Variants in NXNL2 observed in about 807,000 individuals in gnomAD.
NXNL2 encodes nucleoredoxin-like protein 2.
In NXNL2, 7 loss-of-function variants were observed where a neutral mutation model predicts 11.1. The observed-to-expected ratio is 0.63, with a 90% confidence interval of 0.36 to 1.18. The LOEUF (loss-of-function observed/expected upper bound fraction) is 1.18. Ranked by LOEUF, NXNL2 falls within the 50% of genes most tolerant of loss-of-function variation. The probability of loss-of-function intolerance (pLI) is 0.02; values close to 1 mark genes in which losing one functional copy is unlikely to be tolerated. For synonymous variants in NXNL2, 109 were observed against 101.8 expected, an observed-to-expected ratio of 1.07 and a Z score of -0.42; for missense variants, 233 against 217.7, an observed-to-expected ratio of 1.07 and a Z score of -0.44.
chr9:88,561,515 T>C (rs552241712), intron 1 of NXNL2, among the ~76,000 whole-genome samples: 1 of 152,302 alleles, frequency 6.6e-6, no homozygotes, highest in East Asian at 1.9e-4. Context: ...TCTAATTAGT[T>C]CTGTCCCTCT....
At chr9:88,564,290 T>TATC (rs1368000581) in intron 1 of NXNL2, among the ~76,000 whole-genome samples, 6 of 100,542 alleles carry the variant, frequency 6.0e-5, no homozygotes, top group African/African-American at 2.9e-4. Flanking sequence ...ATCTATTATC[T>TATC]ATCTATCTAT....
chr9:88,552,395 A>C (rs1171131086), intron 1 of NXNL2, among the ~76,000 whole-genome samples: 1 of 150,340 alleles, frequency 6.7e-6, no homozygotes, highest in Non-Finnish European at 1.5e-5. Context: ...TACAAGGAAG[A>C]CTCCTTTTAA....
At chr9:88,561,172 C>T (rs1325121649) in intron 1 of NXNL2, among the ~76,000 whole-genome samples, 1 of 152,104 alleles carries the variant, frequency 6.6e-6, no homozygotes, top group Non-Finnish European at 1.5e-5. Context: ...ATCTAATCAG[C>T]TGCCAGTGAA....
intron 1 of NXNL2, among the ~76,000 whole-genome samples, chr9:88,543,305 C>T (rs1306920420): frequency 1.3e-5 from 2 of 151,600 alleles, no homozygotes; most frequent in Admixed American, 6.6e-5. Context: ...TGGGGTCTGC[C>T]GCCCAGGCTG....
At chr9:88,540,935 A>AT (rs71507764) in intron 1 of NXNL2, among the ~76,000 whole-genome samples, 3,038 of 90,950 alleles carry the variant, frequency 0.033, 489 homozygotes, top group African/African-American at 0.083. Context: ...ATCTCAGTAG[A>AT]TTTTTTTTTT....
intron 1 of NXNL2, among the ~76,000 whole-genome samples, chr9:88,568,895 T>A (rs1830217925): frequency 6.6e-6 from 1 of 152,142 alleles, no homozygotes; most frequent in African/African-American, 2.4e-5. Flanking sequence ...AGATCTGAGA[T>A]ATCTTTTATT....
At chr9:88,576,883 C>T (rs975146816), downstream of NXNL2, among the ~76,000 whole-genome samples, 3 of 152,136 alleles carry the variant, frequency 2.0e-5, no homozygotes, top group East Asian at 1.9e-4. Context: ...TGCTTCTTCT[C>T]GGCCATGCTT....
intron 1 of NXNL2, among the ~76,000 whole-genome samples, chr9:88,562,289 A>C (rs1830094469): frequency 6.6e-6 from 1 of 152,112 alleles, no homozygotes; most frequent in Non-Finnish European, 1.5e-5. Context: ...GGTGGTTAGA[A>C]ATGCAAAGGG....
chr9:88,550,590 T>C (rs1829917328), intron 1 of NXNL2, among the ~76,000 whole-genome samples: 1 of 152,348 alleles, frequency 6.6e-6, no homozygotes, highest in African/African-American at 2.4e-5. Flanking sequence ...TCATAGGTCA[T>C]AGGTAGATTC....
At chr9:88,562,163 A>G (rs951434623) in intron 1 of NXNL2, among the ~76,000 whole-genome samples, 4 of 152,246 alleles carry the variant, frequency 2.6e-5, no homozygotes, top group African/African-American at 9.6e-5. Context: ...ATGTGGAGGA[A>G]AAGGAGCCAG....
At chr9:88,555,777 C>G (rs905103526) in intron 1 of NXNL2, among the ~76,000 whole-genome samples, 8 of 152,168 alleles carry the variant, frequency 5.3e-5, no homozygotes, top group Non-Finnish European at 1.0e-4. Flanking sequence ...CTTAGCCTGG[C>G]GGGCTGCGCT....
Position 88,535,309 on chromosome 9 carries a change from C to A in NXNL2, c.-126C>A. On this transcript the variant is annotated 5_prime_UTR_variant, in exon 1 of 2. Coordinates refer to ENST00000375854, the MANE Select transcript of NXNL2 (RefSeq NM_001161625.2). The stretch of plus-strand genomic sequence containing the variant: ...AGGTGTGGGCGCATCTGGGGCAGGT[C>A]TTGAGAGGTCCAGCGCCCGGTGGTG... 1 of 961,554 alleles carries A rather than the reference C, an allele frequency of 1.0e-6. No homozygotes were observed. The highest frequency in any genetic ancestry group is 1.5e-6 in the Non-Finnish European group (1 of 668,836). The allele number at this position is 961,554 out of a possible 1,614,324, so 59.6% of individuals were successfully genotyped here. A position where few individuals can be genotyped will look rare whatever the true frequency, so the allele number is the denominator to read the frequency against.
At chr9:88,576,332 A>G (rs1416848488), downstream of NXNL2, among the ~76,000 whole-genome samples, 2 of 152,214 alleles carry the variant, frequency 1.3e-5, no homozygotes, top group African/African-American at 2.4e-5. Flanking sequence ...CTCCTTTTAT[A>G]CCTGGTTCAA....
rs547199832 is a variant in NXNL2, at chr9:88,543,512, C to T, written c.303-867C>T. ...AACTCTTGGACTTAAGCCATCTTCC[C>T]ACCTCAGTCTCCTGAAGTGCTGGGA... On this transcript the variant is annotated intron_variant, in intron 1 of 1. Transcript: ENST00000375854. Among the ~76,000 whole-genome samples the T allele has an allele frequency of 2.2e-3, 334 of 152,260 alleles. 4 individuals carry two copies. The highest frequency in any genetic ancestry group is 7.8e-3 in the African/African-American group (326 of 41,562).
chr9:88,563,936 C>T (rs570271560), intron 1 of NXNL2, among the ~76,000 whole-genome samples: 12 of 152,190 alleles, frequency 7.9e-5, no homozygotes, highest in East Asian at 3.9e-4. Context: ...CTGGGCCGGG[C>T]GCGGTGGTTC....
chr9:88,540,947 T>G (rs1448082721), intron 1 of NXNL2, among the ~76,000 whole-genome samples: 1 of 130,440 alleles, frequency 7.7e-6, no homozygotes, highest in African/African-American at 4.0e-5. Flanking sequence ...TTTTTTTTTT[T>G]TTTTTTTTTT....
chr9:88,579,952 A>C (rs1165733025), downstream of NXNL2, among the ~76,000 whole-genome samples: 2 of 151,896 alleles, frequency 1.3e-5, no homozygotes, highest in African/African-American at 4.8e-5. Context: ...AACACGGTGA[A>C]ATCCTATCTC....
chr9:88,547,488 G>T (rs564898069), downstream of NXNL2, among the ~76,000 whole-genome samples: 1 of 152,288 alleles, frequency 6.6e-6, no homozygotes, highest in East Asian at 1.9e-4. Flanking sequence ...AGGAAGAAGA[G>T]GGGTGACACA....
At chr9:88,578,576 C>G (rs1359623366), downstream of NXNL2, among the ~76,000 whole-genome samples, 4 of 152,242 alleles carry the variant, frequency 2.6e-5, no homozygotes, top group African/African-American at 9.6e-5. Flanking sequence ...TTTTCTTTTC[C>G]CTCCGGTTGG....
Sources: allele counts gnomAD v4.1 joint callset (sites outside exome capture counted in the v4.1 genomes callset), GRCh38; gene constraint gnomAD v4.1.1; transcripts MANE v1.5; gene names NCBI Gene and HGNC (gene_info 2026-07-23, HGNC 2026-07-21).